COL11A1: variants seen among roughly 807,000 people sequenced by gnomAD.
The protein encoded by COL11A1 is collagen alpha-1(XI) chain.
In COL11A1, 74 loss-of-function variants were observed where a neutral mutation model predicts 265.2. The ratio of observed to expected loss-of-function variants is 0.28; its 90% CI spans 0.23 to 0.34. The LOEUF is 0.34. Ranked by LOEUF, COL11A1 falls within the 10% of genes least tolerant of loss-of-function variation. The pLI is 1.00. For synonymous variants in COL11A1, 816 were observed against 727.6 expected (o/e 1.12, Z -1.96); for missense variants, 2,165 against 2,263.6 (o/e 0.96, Z 0.88).
At position 103,026,016 on chromosome 1, in the gene COL11A1, C is replaced by A. The variant is rs12750147; in HGVS notation, c.897+200G>T. The A allele has an allele frequency of 1.8e-5, 27 of 1,526,610 alleles. No individual in the cohort carries two copies. The Admixed American group carries it at 4.5e-4, about 26-fold the overall frequency. The allele number at this position is 1,526,610 out of a possible 1,614,324, so 94.6% of individuals were successfully genotyped here. ...TAAACGAGGAGGGAAATATAGAGCA[C>A]AGATGAAAGGAAGGCTAAGCAAAAG... On this transcript the variant is annotated intron_variant, in intron 6 of 66. Transcript: ENST00000370096.
At chr1:102,916,997 T>C (rs140205410) in intron 49 of COL11A1, among the ~76,000 whole-genome samples, 5 of 151,872 alleles carry the variant, frequency 3.3e-5, no homozygotes, top group Admixed American at 6.6e-5. Context: ...TATTTAGAAA[T>C]ATGATAAGTC....
chr1:102,978,955 C>T, intron 33 of COL11A1, 42 bp from the exon 34 acceptor site: 1 of 1,612,840 alleles, frequency 6.2e-7, no homozygotes, highest in Non-Finnish European at 8.5e-7. Context: ...TAATGCCAGA[C>T]AAATCCAAAG....
intron 46 of COL11A1, among the ~76,000 whole-genome samples, chr1:102,928,702 G>C (rs1047758285): frequency 6.8e-6 from 1 of 147,258 alleles, no homozygotes. Flanking sequence ...CTAGTGTACA[G>C]TCCCACCAAC....
chr1:102,882,161 C>T (rs1479926675), intron 64 of COL11A1, among the ~76,000 whole-genome samples: 1 of 123,854 alleles, frequency 8.1e-6, no homozygotes, highest in African/African-American at 2.5e-5. Flanking sequence ...AGCCAAGGAA[C>T]ATGTTTGAAA....
At chr1:103,072,377 G>T (rs1253692066) in intron 4 of COL11A1, among the ~76,000 whole-genome samples, 1 of 151,766 alleles carries the variant, frequency 6.6e-6, no homozygotes, top group East Asian at 1.9e-4. Flanking sequence ...TGCTATGCCT[G>T]AAAAAGTGAC....
intron 54 of COL11A1, among the ~76,000 whole-genome samples, chr1:102,899,495 C>T (rs1652902978): frequency 6.6e-6 from 1 of 151,814 alleles, no homozygotes; most frequent in East Asian, 1.9e-4. Context: ...TCAACAGACA[C>T]AGTATTTTCA....
intron 18 of COL11A1, among the ~76,000 whole-genome samples, 190 bp from the exon 19 acceptor site, chr1:103,004,851 T>C (rs899876839): frequency 2.6e-5 from 4 of 152,088 alleles, no homozygotes; most frequent in African/African-American, 9.7e-5. Flanking sequence ...CATGTTAGTA[T>C]GCTAATAATA....
At chr1:102,977,654 A>C (rs1170847952) in intron 35 of COL11A1, among the ~76,000 whole-genome samples, 2 of 152,166 alleles carry the variant, frequency 1.3e-5, no homozygotes, top group East Asian at 3.8e-4. Flanking sequence ...TAGCCTTTTT[A>C]ATTAATTTAA....
rs768566608 is a variant in COL11A1 at position 102,914,737 on chromosome 1, C to T, written c.3891G>A (p.Gly1297=). 5.0e-6 allele frequency: 8 copies of T among 1,613,332 alleles called. No individual in the cohort carries two copies. The Admixed American group carries it at 1.2e-4, about 24-fold the overall frequency. ...PGAAGPPGAK[G]PPGDDGPKGN... The stretch of plus-strand genomic sequence containing the variant: ...CCTTAGGGCCATCATCACCTGGTGG[C>T]CCCTTGGCACCTGGAGGTCCAGCAG... The change falls in exon 51 of 67, where the codon GGG becomes GGA. Residue 1297 remains glycine (G), a synonymous_variant. Transcript: ENST00000370096.
At chr1:102,960,909 G>C (rs1175845320) in intron 41 of COL11A1, among the ~76,000 whole-genome samples, 1 of 152,152 alleles carries the variant, frequency 6.6e-6, no homozygotes, top group African/African-American at 2.4e-5. Context: ...AGGTGAAACT[G>C]ACTGAAGGGG....
chr1:103,017,784 T>G, intron 11 of COL11A1, 36 bp downstream of exon 11: 1 of 1,529,272 alleles, frequency 6.5e-7, no homozygotes, highest in East Asian at 2.2e-5. Context: ...CTGTATGACA[T>G]GCATTTGTAA....
At chr1:103,024,319 A>T (rs1667349170) in intron 7 of COL11A1, among the ~76,000 whole-genome samples, 1 of 152,142 alleles carries the variant, frequency 6.6e-6, no homozygotes. Context: ...ATTTGTAAAG[A>T]CAGGATCTTA....
At position 102,979,440 on chromosome 1, in the gene COL11A1, A is replaced by G. The variant is rs745602266; in HGVS notation, c.2557-5T>C. On this transcript the variant is annotated splice_region_variant and splice_polypyrimidine_tract_variant and intron_variant, in intron 31 of 66. Coordinates refer to ENST00000370096, the MANE Select transcript of COL11A1 (RefSeq NM_001854.4). ...CCCAGGGAATCCAGTGGAACCCTAC[A>G]ATAATAAAAGTAAATAATGAATAAA... The G allele has an allele frequency of 3.1e-6, 5 of 1,593,578 alleles. No individual in the cohort carries two copies. The highest frequency in any genetic ancestry group is 4.3e-6 in the Non-Finnish European group (5 of 1,161,726).
In COL11A1 at chr1:102,886,853, G is replaced by T. The variant is rs760492074; in HGVS notation, c.4812C>A (p.Ala1604=). 6.2e-7 allele frequency: 1 copy of T among 1,613,876 alleles called. No homozygotes were observed. The highest frequency in any genetic ancestry group is 8.5e-7 in the Non-Finnish European group (1 of 1,179,854). ...TGAGTTGCAGGTCTTTACAAGTTCG[G>T]GCTGGATTGGTCTGAGTACCCATTG... is the stretch of plus-strand genomic sequence containing the variant. ...KFPMGTQTNP[A]RTCKDLQLSH... Residue 1604 remains alanine, a synonymous_variant, in exon 63 of 67, where the codon GCC becomes GCA. Transcript: ENST00000370096.
chr1:102,968,656 GAA>G (rs1382980190), intron 37 of COL11A1, among the ~76,000 whole-genome samples: 1 of 152,200 alleles, frequency 6.6e-6, no homozygotes, highest in African/African-American at 2.4e-5. Context: ...AACAAAGTGA[GAA>G]AGAAAGCTTT....
chr1:103,098,488 G>T (rs1239547867), intron 1 of COL11A1, among the ~76,000 whole-genome samples: 1 of 151,688 alleles, frequency 6.6e-6, no homozygotes, highest in Admixed American at 6.6e-5. Context: ...AATTTCCAGC[G>T]TTAGGATTGG....
rs1281973048 is a variant in COL11A1, at chr1:102,979,042, T to C, written c.2655+18A>G. ...TTCAATATGAAAAATGTACATCATT[T>C]TAAATCAAGGCACCTACCGTTGGAC... On this transcript the variant is annotated intron_variant, in intron 33 of 66. Transcript: ENST00000370096. 1 of 1,614,038 alleles carries C rather than the reference T, an allele frequency of 6.2e-7. No homozygotes were observed. The highest frequency in any genetic ancestry group is 1.1e-5 in the South Asian group (1 of 91,078).
At chr1:103,065,028 T>A (rs1199045129) in intron 4 of COL11A1, among the ~76,000 whole-genome samples, 1 of 152,170 alleles carries the variant, frequency 6.6e-6, no homozygotes, top group Non-Finnish European at 1.5e-5. Context: ...AGAGTGAACA[T>A]GTAAACTATA....
intron 4 of COL11A1, among the ~76,000 whole-genome samples, chr1:103,055,264 C>T (rs7544444): frequency 0.94 from 142,567 of 152,240 alleles, 66,984 homozygotes; most frequent in East Asian, 1. Flanking sequence ...GTATGATACC[C>T]TTACCTTCAT....
Sources: gnomAD v4.1 joint callset for allele counts (sites outside exome capture counted in the v4.1 genomes callset) on GRCh38, gnomAD v4.1.1 for gene constraint, MANE v1.5 for transcripts, NCBI Gene and HGNC (gene_info 2026-07-23, HGNC 2026-07-21) for gene names.